The following VPS36 variants were observed in gnomAD, a reference collection of about 807,000 sequenced individuals.
The protein encoded by VPS36 is vacuolar protein-sorting-associated protein 36.
A neutral mutation model predicts 63.5 loss-of-function variants in VPS36; 31 were observed. The observed-to-expected ratio is 0.49, with a 90% CI of 0.37 to 0.66. VPS36 has a LOEUF of 0.66. Ranked by LOEUF, VPS36 falls within the 30% of genes least tolerant of loss-of-function variation. The probability of loss-of-function intolerance (pLI) is 0.00; values close to 1 mark genes in which losing one functional copy is unlikely to be tolerated. For missense variants in VPS36, 338 were observed against 463.7 expected, an observed-to-expected ratio of 0.73 and a Z score of 2.49; for synonymous variants, 138 against 157.2, an observed-to-expected ratio of 0.88 and a Z score of 0.91.
intron 10 of VPS36, among the ~76,000 whole-genome samples, chr13:52,422,870 C>G (rs1159368383): frequency 6.6e-6 from 1 of 152,212 alleles, no homozygotes; most frequent in African/African-American, 2.4e-5. Context: ...ACCCAAATCT[C>G]ATCTTGTAGC....
In VPS36 at chr13:52,448,908, A is replaced by T. The variant is rs949620101; in HGVS notation, c.96+1591T>A. Reference sequence around the variant, plus strand: ...TTCCTCTCAAAGGGGAGGCAAAATCAAAACACCGAGGAAGGGGAGGTGGAT... The same window carrying T: ...TTCCTCTCAAAGGGGAGGCAAAATCTAAACACCGAGGAAGGGGAGGTGGAT... On this transcript the variant is annotated intron_variant, in intron 1 of 13. Coordinates refer to ENST00000378060, the MANE Select transcript of VPS36 (RefSeq NM_016075.4). Among the ~76,000 whole-genome samples, 5 of 152,360 alleles carry T rather than the reference A, an allele frequency of 3.3e-5. No individual in the cohort carries two copies. The Middle Eastern group carries it at 0.01, about 311-fold the overall frequency.
At chr13:52,424,214 C>CA (rs960059417) in intron 9 of VPS36, among the ~76,000 whole-genome samples, 1 of 152,004 alleles carries the variant, frequency 6.6e-6, no homozygotes, top group Non-Finnish European at 1.5e-5. Context: ...CACCATGTTT[C>CA]AAAAAATACA....
At chr13:52,423,129 T>A (rs929643800) in intron 10 of VPS36, among the ~76,000 whole-genome samples, 1 of 152,188 alleles carries the variant, frequency 6.6e-6, no homozygotes, top group Non-Finnish European at 1.5e-5. Context: ...TCCAATTAAA[T>A]CTTTCTTTTG....
chr13:52,444,239 C>T (rs1304340007), intron 1 of VPS36, among the ~76,000 whole-genome samples: 4 of 152,038 alleles, frequency 2.6e-5, no homozygotes, highest in South Asian at 2.1e-4. Flanking sequence ...GGGTGGATCA[C>T]GAGGTCTGGA....
chr13:52,439,224 G>T (rs1958249259), intron 2 of VPS36, 56 bp from the exon 3 acceptor site: 1 of 1,499,080 alleles, frequency 6.7e-7, no homozygotes, highest in Non-Finnish European at 9.2e-7. Context: ...CATAACACTT[G>T]TCAGAAATCC....
chr13:52,433,492 T>C (rs1958181205), intron 6 of VPS36, among the ~76,000 whole-genome samples, 170 bp downstream of exon 6: 2 of 152,176 alleles, frequency 1.3e-5, no homozygotes, highest in African/African-American at 4.8e-5. Context: ...AAAAAGGTTT[T>C]GGTTAGATTT....
intron 10 of VPS36, among the ~76,000 whole-genome samples, chr13:52,420,075 T>C (rs2137773520): frequency 6.6e-6 from 1 of 152,022 alleles, no homozygotes; most frequent in South Asian, 2.1e-4. Context: ...ACCCCGTCTC[T>C]ACTAAAAATA....
In VPS36 at chr13:52,434,284, C is replaced by T. The variant is rs76418656; in HGVS notation, c.441+509G>A. Among the ~76,000 whole-genome samples, 1,128 of 152,248 alleles carry T rather than the reference C, an allele frequency of 7.4e-3. 6 individuals carry two copies. Among genetic ancestry groups the T allele is most frequent in the African/African-American group, 0.017 (704 of 41,544 alleles). On this transcript the variant is annotated intron_variant, in intron 5 of 13. Transcript: ENST00000378060. ...CTACCTTCTATCACCCTAAGAATTA[C>T]GCTGGTAAGCAGTCATTTATGTTTA... is the stretch of plus-strand genomic sequence containing the variant.
At position 52,413,426 on chromosome 13, in the gene VPS36, C is replaced by A. The variant is rs893508835; in HGVS notation, c.*2404G>T. 17 of 152,096 alleles carry A rather than the reference C, an allele frequency of 1.1e-4. No homozygotes were observed. The highest frequency in any genetic ancestry group is 8.5e-4 in the Admixed American group (13 of 15,268). 9.4% of individuals were successfully genotyped at this position (152,096 alleles called of 1,614,324 possible). A position where few individuals can be genotyped will look rare whatever the true frequency, so the allele number is the denominator to read the frequency against. ...AATTATAAAATCCAAAGGAAAAATT[C>A]TTAACATAACTGGCTTTAGTATGAT... On this transcript the variant is annotated 3_prime_UTR_variant, in exon 14 of 14. Coordinates refer to ENST00000378060, the MANE Select transcript of VPS36 (RefSeq NM_016075.4).
At chr13:52,444,174 A>G (rs186752619) in intron 1 of VPS36, among the ~76,000 whole-genome samples, 3 of 152,348 alleles carry the variant, frequency 2.0e-5, no homozygotes, top group Non-Finnish European at 4.4e-5. Flanking sequence ...TGTTAAAAAT[A>G]TGGCCGGGTG....
chr13:52,436,792 C>G (rs534592854), intron 3 of VPS36, among the ~76,000 whole-genome samples: 5 of 152,228 alleles, frequency 3.3e-5, no homozygotes, highest in Admixed American at 2.0e-4. Flanking sequence ...CATTTGAAAA[C>G]AAAATGTGAA....
In VPS36 at chr13:52,417,116, T is replaced by C; in HGVS notation, c.931A>G (p.Met311Val). Residue 311 changes from methionine to valine, a missense_variant, in exon 12 of 14, where the codon ATG becomes GTG. Physicochemically the swap from Met to Val is conservative, Grantham distance 21 (BLOSUM62 1). Coordinates refer to ENST00000378060, the MANE Select transcript of VPS36 (RefSeq NM_016075.4). ...TTGTGAGACTGAAGCTCAATTACCA[T>C]GACGCCACTGTCAAACACACGGAGC... ...LRLRVFDSGVMVIELQSHKEE... is the reference protein window; with the variant it reads ...LRLRVFDSGVVVIELQSHKEE... The C allele has an allele frequency of 1.2e-6, 2 of 1,614,020 alleles. No individual in the cohort carries two copies. Among genetic ancestry groups the C allele is most frequent in the South Asian group, 1.1e-5 (1 of 91,060 alleles).
intron 1 of VPS36, among the ~76,000 whole-genome samples, chr13:52,443,568 A>T (rs1958303491): frequency 6.6e-6 from 1 of 152,180 alleles, no homozygotes; most frequent in Non-Finnish European, 1.5e-5. Context: ...CAGCACCTTG[A>T]TCTTAGACTT....
chr13:52,443,978 G>A (rs542543438), intron 1 of VPS36, among the ~76,000 whole-genome samples: 8 of 152,046 alleles, frequency 5.3e-5, no homozygotes. Flanking sequence ...GGAATATCCA[G>A]TTATTTTAAA....
intron 4 of VPS36, among the ~76,000 whole-genome samples, chr13:52,435,699 T>C (rs146936936): frequency 6.6e-6 from 1 of 152,202 alleles, no homozygotes; most frequent in Non-Finnish European, 1.5e-5. Context: ...CACTTATATC[T>C]GCTTAGTGAT....
In VPS36 at chr13:52,426,070, TA is replaced by T; in HGVS notation, c.640-5del. 1 of 1,606,614 alleles carries T rather than the reference TA, an allele frequency of 6.2e-7. No homozygotes were observed. The highest frequency in any genetic ancestry group is 8.5e-7 in the Non-Finnish European group (1 of 1,178,204). ...AGTAGGATTTAAACCTGATGGTCTA[TA>T]ATAAAAAAGGAGAAAATGCAGAATT... On this transcript the variant is annotated splice_polypyrimidine_tract_variant and splice_region_variant and intron_variant, in intron 8 of 13. Transcript: ENST00000378060.
At chr13:52,417,965 G>A in intron 11 of VPS36, 27 bp downstream of exon 11, 1 of 1,606,172 alleles carries the variant, frequency 6.2e-7, no homozygotes, top group African/African-American at 1.3e-5. Context: ...GTTGCAGGTG[G>A]CAAACTTCCT....
intron 7 of VPS36, 33 bp from the exon 8 acceptor site, chr13:52,427,099 T>G: frequency 6.2e-7 from 1 of 1,603,958 alleles, no homozygotes; most frequent in South Asian, 1.1e-5. Flanking sequence ...TGAAAAGCAC[T>G]ATTGTCCCCA....
At chr13:52,431,020 A>G (rs1958149918) in intron 6 of VPS36, among the ~76,000 whole-genome samples, 1 of 152,052 alleles carries the variant, frequency 6.6e-6, no homozygotes, top group South Asian at 2.1e-4. Context: ...TACAGGGAAT[A>G]TTGTTCCTAT....
Sources: gnomAD v4.1 joint callset for allele counts (sites outside exome capture counted in the v4.1 genomes callset) on GRCh38, gnomAD v4.1.1 for gene constraint, MANE v1.5 for transcripts, NCBI Gene and HGNC (gene_info 2026-07-23, HGNC 2026-07-21) for gene names.